The following ANO1 variants were observed in gnomAD, a reference collection of about 807,000 sequenced individuals.
The protein encoded by ANO1 is anoctamin-1.
Under a neutral mutation model 124.0 loss-of-function variants are expected in ANO1, and 59 were observed. That is an observed-to-expected ratio of 0.48 (90% CI 0.39 to 0.59). The LOEUF is 0.59. ANO1 is among the 20% of genes least tolerant of loss of function. ANO1 has a pLI of 0.00. For missense variants in ANO1, 1,059 were observed against 1,328.0 expected (o/e 0.80, Z 3.15); for synonymous variants, 529 against 532.0 (o/e 0.99, Z 0.08).
At chr11:70,080,859 A>T (rs552962312) in intron 1 of ANO1, among the ~76,000 whole-genome samples, 1 of 152,298 alleles carries the variant, frequency 6.6e-6, no homozygotes, top group South Asian at 2.1e-4. Flanking sequence ...GCAGCCATGG[A>T]GCAGGGGCCT....
rs57647858 is a variant in ANO1, at chr11:70,177,594, C to CTTTTTTTTT, written c.2351-2395_2351-2387dup. Among the ~76,000 whole-genome samples, 133 of 78,830 alleles carry CTTTTTTTTT rather than the reference C, an allele frequency of 1.7e-3. 2 individuals carry two copies. Among genetic ancestry groups the CTTTTTTTTT allele is most frequent in the African/African-American group, 1.8e-3 (36 of 19,546 alleles). 51.7% of individuals were successfully genotyped at this position (78,830 alleles called of 152,430 possible). ...TCGATTTTTCTTTTCTTTTTTTTTT[C>CTTTTTTTTT]TTTTTTTTTTTTTTTTTTTTTTTGA... On this transcript the variant is annotated intron_variant, in intron 22 of 25. Transcript: ENST00000355303.
chr11:70,182,471 G>A lies in ANO1; in HGVS notation c.2404-31G>A, dbSNP rs1447888305. 5.4e-6 allele frequency: 8 copies of A among 1,471,824 alleles called. No homozygotes were observed. In the Admixed American group the frequency reaches 1.6e-4, roughly 30 times the overall value. 91.2% of individuals were successfully genotyped at this position (1,471,824 alleles called of 1,614,324 possible). A position where few individuals can be genotyped will look rare whatever the true frequency, so the allele number is the denominator to read the frequency against. ...CCGGCCCTTCTGCGCCCAGGCTGGG[G>A]GTCCCCCTCACTGCCATGTCCCCTG... On this transcript the variant is annotated intron_variant, in intron 23 of 25. Transcript: ENST00000355303.
At chr11:70,077,923 G>C (rs559176349), upstream of ANO1, among the ~76,000 whole-genome samples, 26 of 152,264 alleles carry the variant, frequency 1.7e-4, no homozygotes, top group African/African-American at 2.4e-4. Context: ...GGGTCGGCAG[G>C]AACCAGGCAA....
At chr11:70,056,900 C>A (rs1555006970) in intron 1 of ANO1, among the ~76,000 whole-genome samples, 2 of 147,436 alleles carry the variant, frequency 1.4e-5, no homozygotes, top group Non-Finnish European at 3.0e-5. Context: ...TTTAACTAAT[C>A]TCTTATATTC....
intron 2 of ANO1, among the ~76,000 whole-genome samples, chr11:70,099,813 G>C (rs2045187014): frequency 6.6e-6 from 1 of 152,200 alleles, no homozygotes; most frequent in African/African-American, 2.4e-5. Flanking sequence ...TGTAGGCTCA[G>C]AGAGATTAAG....
chr11:70,014,355 T>C (rs769177255), intron 1 of ANO1, among the ~76,000 whole-genome samples: 11 of 140,862 alleles, frequency 7.8e-5, no homozygotes, highest in Non-Finnish European at 1.4e-4. Flanking sequence ...TCCAACACCA[T>C]AGAGCAGTTT....
intron 17 of ANO1, 80 bp downstream of exon 17, chr11:70,161,442 T>G (rs929437827): frequency 1.7e-5 from 26 of 1,518,914 alleles, no homozygotes; most frequent in Non-Finnish European, 2.1e-5. Flanking sequence ...ATCCTTGAGT[T>G]TGTTGCTTAA....
intron 11 of ANO1, among the ~76,000 whole-genome samples, chr11:70,144,179 A>G (rs1431281932): frequency 6.6e-6 from 1 of 152,182 alleles, no homozygotes; most frequent in African/African-American, 2.4e-5. Flanking sequence ...TTTTATACAA[A>G]CGGGGTGGTA....
chr11:70,109,826 CTG>C (rs2045699310), intron 6 of ANO1, among the ~76,000 whole-genome samples: 1 of 152,190 alleles, frequency 6.6e-6, no homozygotes, highest in African/African-American at 2.4e-5. Context: ...CACAGGGTCT[CTG>C]TGTTCCCACC....
In ANO1 at chr11:70,088,100, C is replaced by G; in HGVS notation, c.441+16C>G. The G allele has an allele frequency of 1.7e-6, 2 of 1,185,894 alleles. No individual in the cohort carries two copies. The highest frequency in any genetic ancestry group is 2.1e-6 in the Non-Finnish European group (2 of 956,492). The allele number at this position is 1,185,894 out of a possible 1,614,324, so 73.5% of individuals were successfully genotyped here. ...GGACGAGGACGTAACTATCTCACTGCGCGCTGTTTGTGGGGGGTGGGGGGT... is the reference window on the plus strand; with the variant it reads ...GGACGAGGACGTAACTATCTCACTGGGCGCTGTTTGTGGGGGGTGGGGGGT... On this transcript the variant is annotated intron_variant, in intron 2 of 25. Coordinates refer to ENST00000355303, the MANE Select transcript of ANO1 (RefSeq NM_018043.7).
chr11:70,095,308 G>A (rs1295932540), intron 2 of ANO1, among the ~76,000 whole-genome samples: 1 of 102,274 alleles, frequency 9.8e-6, no homozygotes, highest in Non-Finnish European at 2.1e-5. Flanking sequence ...AGGAAAGAAA[G>A]AAAGAAAGAA....
At chr11:70,101,805 T>C (rs1190983866) in intron 2 of ANO1, among the ~76,000 whole-genome samples, 1 of 152,116 alleles carries the variant, frequency 6.6e-6, no homozygotes, top group African/African-American at 2.4e-5. Context: ...TTGCCAAGAC[T>C]TCCCATCCCT....
the ANO1 span, among the ~76,000 whole-genome samples, chr11:69,972,283 T>A: frequency 8.2e-4 from 124 of 151,782 alleles, 3 homozygotes; most frequent in East Asian, 0.021. Flanking sequence ...GCCGGCGTTA[T>A]CTCAGCCTAA....
chr11:69,996,060 G>A (rs782351208), intron 1 of ANO1, among the ~76,000 whole-genome samples: 16 of 152,136 alleles, frequency 1.1e-4, no homozygotes, highest in Admixed American at 3.3e-4. Context: ...GCAGTGAGCC[G>A]ATATTGCATC....
chr11:70,080,978 C>T (rs1399664462), intron 1 of ANO1, among the ~76,000 whole-genome samples: 2 of 152,206 alleles, frequency 1.3e-5, no homozygotes, highest in Non-Finnish European at 2.9e-5. Context: ...CCAACGAAGG[C>T]GGCTCTGTAC....
rs576678049 is a variant in ANO1, at chr11:70,163,150, G to A, written c.1893-133G>A. 4 of 876,370 alleles carry A rather than the reference G, an allele frequency of 4.6e-6. No homozygotes were observed. In the East Asian group the frequency reaches 7.8e-5, roughly 17 times the overall value. 54.3% of individuals were successfully genotyped at this position (876,370 alleles called of 1,614,324 possible). On this transcript the variant is annotated intron_variant, in intron 18 of 25. Transcript: ENST00000355303. ...ATCTTTTAGCAGATGCACCAGGCAG[G>A]GAGAGCCGCCTGTAGATACCCTCGA...
At chr11:70,124,940 T>C (rs921447553) in intron 9 of ANO1, among the ~76,000 whole-genome samples, 1 of 152,202 alleles carries the variant, frequency 6.6e-6, no homozygotes, top group Admixed American at 6.5e-5. Flanking sequence ...TTCCAGTCCT[T>C]ATGCTGAACA....
intron 12 of ANO1, 42 bp from the exon 13 acceptor site, chr11:70,152,408 A>T: frequency 5.0e-6 from 8 of 1,595,298 alleles, no homozygotes; most frequent in Non-Finnish European, 6.9e-6. Context: ...CTAAGTAATG[A>T]CATCTTTGTG....
At chr11:69,972,996 A>G in the ANO1 span, among the ~76,000 whole-genome samples, 1 of 144,926 alleles carries the variant, frequency 6.9e-6, no homozygotes, top group African/African-American at 2.6e-5. Flanking sequence ...TGCAACCTCC[A>G]CCTCCCGGGT....
Sources: gnomAD v4.1 joint callset for allele counts (sites outside exome capture counted in the v4.1 genomes callset) on GRCh38, gnomAD v4.1.1 for gene constraint, MANE v1.5 for transcripts, NCBI Gene and HGNC (gene_info 2026-07-23, HGNC 2026-07-21) for gene names.